GOLGB1: variants seen among roughly 807,000 people sequenced by gnomAD.
GOLGB1 encodes golgin B1.
GOLGB1 carries 174 observed loss-of-function variants against 336.9 expected under a neutral mutation model. The observed-to-expected ratio is 0.52, with a 90% CI of 0.46 to 0.59. GOLGB1 has a LOEUF of 0.59. GOLGB1 is among the 20% of genes least tolerant of loss of function. The pLI, the probability that GOLGB1 is intolerant of heterozygous loss-of-function variation, is 0.00. For synonymous variants in GOLGB1, 1,208 were observed against 1,289.2 expected (o/e 0.94, Z 1.35); for missense variants, 3,331 against 3,645.3 (o/e 0.91, Z 2.22).
Position 121,697,008 on chromosome 3 carries a change from A to G in GOLGB1, c.3515T>C (p.Leu1172Pro). 1 of 1,614,018 alleles carries G rather than the reference A, an allele frequency of 6.2e-7. No homozygotes were observed. The highest frequency in any genetic ancestry group is 8.5e-7 in the Non-Finnish European group (1 of 1,179,956). ...TTGCTCCTTTTCTTTTTCAAGGGCCAGTATCTTTTCTTCTAGTTCTGGTTT... is the reference window on the plus strand; with the variant it reads ...TTGCTCCTTTTCTTTTTCAAGGGCCGGTATCTTTTCTTCTAGTTCTGGTTT... ...HWKPELEEKI[L>P]ALEKEKEQLQ... The change falls in exon 13 of 22, where the codon CTG becomes CCG. Residue 1172 changes from leucine to proline, a missense_variant. Leu to Pro is a moderately conservative substitution (Grantham distance 98). Coordinates refer to ENST00000614479, the MANE Select transcript of GOLGB1 (RefSeq NM_001366282.2).
rs138361473 is a variant in GOLGB1, at chr3:121,677,324, GGAA to G, written c.8997_8999del (p.Ser3001del). 4,766 of 1,611,666 alleles carry G rather than the reference GGAA, an allele frequency of 3.0e-3. 110 individuals are homozygous for G. In the African/African-American group the frequency reaches 0.053, roughly 18 times the overall value. On this transcript the variant is annotated inframe_deletion, in exon 16 of 22. Transcript: ENST00000614479. ...GCACTTTGAGAGGCTGAGTCTGGGA[GGAA>G]GAAGACCTCAATTCCCTTATAAGAT...
intron 1 of GOLGB1, among the ~76,000 whole-genome samples, chr3:121,735,087 C>T (rs914529508): frequency 3.9e-5 from 6 of 152,092 alleles, no homozygotes; most frequent in African/African-American, 4.8e-5. Flanking sequence ...TTGAACAAGT[C>T]CAGAAATTAA....
At position 121,691,209 on chromosome 3, in the gene GOLGB1, C is replaced by T. The variant is rs1942386708; in HGVS notation, c.8155G>A (p.Glu2719Lys). 4 of 1,613,956 alleles carry T rather than the reference C, an allele frequency of 2.5e-6. No homozygotes were observed. In the South Asian group the frequency reaches 4.4e-5, roughly 18 times the overall value. Residue 2719 changes from glutamate to lysine, a missense_variant, in exon 14 of 22, where the codon GAG becomes AAG. Transcript: ENST00000614479. ...ACCATGAGTAATTTCTGTTCCATCT[C>T]CACCAAATCTCTTGCTAGCTCTGCC... ...RVAELARDLV[E>K]MEQKLLMVTK...
Position 121,695,290 on chromosome 3 carries a change from TAGAA to T in GOLGB1, c.5229_5232del (p.Ser1744ArgfsTer6). 1 of 1,614,052 alleles carries T rather than the reference TAGAA, an allele frequency of 6.2e-7. No individual in the cohort carries two copies. The highest frequency in any genetic ancestry group is 8.5e-7 in the Non-Finnish European group (1 of 1,179,984). ...TCAGACATTAAAGACTGAAACTTCT[TAGAA>T]AGGGTTTCATACTCCATTTTGACCC... On this transcript the variant is annotated frameshift_variant, in exon 13 of 22. Coordinates refer to ENST00000614479, the MANE Select transcript of GOLGB1 (RefSeq NM_001366282.2). LOFTEE classifies it high-confidence loss of function.
At chr3:121,667,700 G>C in intron 19 of GOLGB1, 90 bp from the exon 20 acceptor site, 1 of 1,174,388 alleles carries the variant, frequency 8.5e-7, no homozygotes, top group East Asian at 2.4e-5. Flanking sequence ...AGGTTGTAAA[G>C]CAAGAAAATC....
chr3:121,738,741 A>C (rs2108370162), intron 1 of GOLGB1, among the ~76,000 whole-genome samples: 1 of 152,308 alleles, frequency 6.6e-6, no homozygotes, highest in Non-Finnish European at 1.5e-5. Flanking sequence ...TCCCACACTG[A>C]GGAGAATCTG....
chr3:121,736,354 C>T (rs1486882813), intron 1 of GOLGB1, among the ~76,000 whole-genome samples: 1 of 152,150 alleles, frequency 6.6e-6, no homozygotes, highest in African/African-American at 2.4e-5. Flanking sequence ...TCAAGATTAA[C>T]ATCACCAGTG....
Position 121,694,981 on chromosome 3 carries a change from C to A in GOLGB1, c.5542G>T (p.Asp1848Tyr), listed in dbSNP as rs1942804764. Residue 1848 changes from aspartate (D) to tyrosine (Y), a missense_variant, in exon 13 of 22, where the codon GAT becomes TAT. By Grantham distance (160) the Asp-to-Tyr change is radical. Coordinates refer to ENST00000614479, the MANE Select transcript of GOLGB1 (RefSeq NM_001366282.2). The part of the protein sequence containing the change: ...DEINNYLQQI[D>Y]QLKERIAGLE... ...CCAGCAATTCTTTCTTTGAGCTGATCAATCTGCTGTAGGTAGTTATTAATT... is the reference window on the plus strand; with the variant it reads ...CCAGCAATTCTTTCTTTGAGCTGATAAATCTGCTGTAGGTAGTTATTAATT... 2 of 1,613,960 alleles carry A rather than the reference C, an allele frequency of 1.2e-6. No homozygotes were observed. The highest frequency in any genetic ancestry group is 1.1e-5 in the South Asian group (1 of 91,064).
At position 121,695,098 on chromosome 3, in the gene GOLGB1, T is replaced by C. The variant is rs563389819; in HGVS notation, c.5425A>G (p.Ser1809Gly). ...PGETEEQDSL[S>G]MSTRPTCSES... ...GAACATGTAGGTCTTGTGCTCATAC[T>C]CAGAGAGTCTTGCTCTTCAGTCTCA... Residue 1809 changes from serine (S) to glycine (G), a missense_variant, in exon 13 of 22, where the codon AGT becomes GGT. Coordinates refer to ENST00000614479, the MANE Select transcript of GOLGB1 (RefSeq NM_001366282.2). 1 of 1,614,128 alleles carries C rather than the reference T, an allele frequency of 6.2e-7. No individual in the cohort carries two copies. Among genetic ancestry groups the C allele is most frequent in the East Asian group, 2.2e-5 (1 of 44,876 alleles).
chr3:121,685,994 G>A (rs183538617), intron 14 of GOLGB1, among the ~76,000 whole-genome samples: 1 of 152,270 alleles, frequency 6.6e-6, no homozygotes, highest in African/African-American at 2.4e-5. Flanking sequence ...CTGTGTGCCT[G>A]GGACTGCATT....
chr3:121,722,977 A>G (rs1218419756), intron 5 of GOLGB1, among the ~76,000 whole-genome samples: 3 of 152,166 alleles, frequency 2.0e-5, no homozygotes, highest in African/African-American at 2.4e-5. Flanking sequence ...CTCACAACTG[A>G]CTCATCATGG....
At position 121,719,764 on chromosome 3, in the gene GOLGB1, C is replaced by T; in HGVS notation, c.653G>A (p.Ser218Asn). The change falls in exon 7 of 22, where the codon AGT (serine) becomes AAT (asparagine). Residue 218 changes from serine (S) to asparagine (N), a missense_variant. Physicochemically the swap from Ser to Asn is conservative, Grantham distance 46. Transcript: ENST00000614479. Reference protein sequence around the residue: ...QTQAEQAAQLSSMQQVVREKD... With the variant: ...QTQAEQAAQLNSMQQVVREKD... ...CTCTCGGACCACCTGCTGCATGGAACTCAACTGAAGACACATACCAGAGAA... is the reference window on the plus strand; with the variant it reads ...CTCTCGGACCACCTGCTGCATGGAATTCAACTGAAGACACATACCAGAGAA... 6.2e-7 allele frequency: 1 copy of T among 1,603,026 alleles called. No individual in the cohort carries two copies. Among genetic ancestry groups the T allele is most frequent in the Non-Finnish European group, 8.5e-7 (1 of 1,174,868 alleles).
In GOLGB1 at chr3:121,691,593, G is replaced by A. The variant is rs758424325; in HGVS notation, c.7771C>T (p.Leu2591=). The A allele has an allele frequency of 4.3e-6, 7 of 1,613,574 alleles. No individual in the cohort carries two copies. The highest frequency in any genetic ancestry group is 5.9e-6 in the Non-Finnish European group (7 of 1,179,828). The change falls in exon 14 of 22, where the codon CTG becomes TTG. Residue 2591 remains leucine (L), a synonymous_variant. Coordinates refer to ENST00000614479, the MANE Select transcript of GOLGB1 (RefSeq NM_001366282.2). ...LKESEEANED[L]RRSFNALQEE... ...TGTAGGGCATTAAAGGACCTCCGCA[G>A]ATCCTCATTTGCTTCCTCAGATTCC...
intron 6 of GOLGB1, among the ~76,000 whole-genome samples, chr3:121,721,528 C>T (rs1945198184): frequency 6.6e-6 from 1 of 152,106 alleles, no homozygotes; most frequent in African/African-American, 2.4e-5. Context: ...ACTTGGGAAG[C>T]TGAGGTGAGT....
In GOLGB1 at chr3:121,695,073, GA is replaced by G. The variant is rs1195325462; in HGVS notation, c.5449del (p.Ser1817GlnfsTer14). The stretch of plus-strand genomic sequence containing the variant: ...ACTCTTCGCTGATGGAACCGATTCT[GA>G]ACATGTAGGTCTTGTGCTCATACTC... The part of the protein sequence containing the change: ...SLSMSTRPTC[S>X]ESVPSAKSAN... On this transcript the variant is annotated frameshift_variant, in exon 13 of 22. Coordinates refer to ENST00000614479, the MANE Select transcript of GOLGB1 (RefSeq NM_001366282.2). LOFTEE classifies it high-confidence loss of function. The G allele has an allele frequency of 6.2e-7, 1 of 1,613,836 alleles. No homozygotes were observed. The highest frequency in any genetic ancestry group is 1.3e-5 in the African/African-American group (1 of 74,858).
rs138011865 is a variant in GOLGB1, at chr3:121,719,656, T to G, written c.761A>C (p.Glu254Ala). Residue 254 changes from glutamate (E) to alanine (A), a missense_variant, in exon 7 of 22, where the codon GAG becomes GCG. Coordinates refer to ENST00000614479, the MANE Select transcript of GOLGB1 (RefSeq NM_001366282.2). The stretch of plus-strand genomic sequence containing the variant: ...GTTTTAGCAACACACCTGTTGCATC[T>G]CTGTTTCCACATCTGCCTGGGTTAC... ...QLVTQADVET[E>A]MQQKLRVLQR... 1.1e-4 allele frequency: 173 copies of G among 1,607,298 alleles called. No individual in the cohort carries two copies. The Middle Eastern group carries it at 3.0e-3, about 28-fold the overall frequency.
At position 121,729,926 on chromosome 3, in the gene GOLGB1, TCCA is replaced by T. The variant is rs1223011903; in HGVS notation, c.185_187del (p.Val62del). 1 of 1,610,698 alleles carries T rather than the reference TCCA, an allele frequency of 6.2e-7. No homozygotes were observed. Among genetic ancestry groups the T allele is most frequent in the Non-Finnish European group, 8.5e-7 (1 of 1,176,912 alleles). On this transcript the variant is annotated inframe_deletion, in exon 3 of 22. Coordinates refer to ENST00000614479, the MANE Select transcript of GOLGB1 (RefSeq NM_001366282.2). ...CTTCTGTCTAATAATATCTTTTAGC[TCCA>T]CCACCAATTGCTCTGCATAAGCCAG...
Position 121,669,207 on chromosome 3 carries a change from C to T in GOLGB1, c.9321+5G>A, listed in dbSNP as rs1437566269. The T allele has an allele frequency of 2.5e-6, 4 of 1,613,178 alleles. No homozygotes were observed. The highest frequency in any genetic ancestry group is 1.3e-5 in the African/African-American group (1 of 74,896). The stretch of plus-strand genomic sequence containing the variant: ...CTCCCAGTCTCTCACCTTCTCTTTA[C>T]TCACCGCCTGCAGCTCTTGAACCTG... On this transcript the variant is annotated splice_donor_5th_base_variant and intron_variant, in intron 18 of 21. Coordinates refer to ENST00000614479, the MANE Select transcript of GOLGB1 (RefSeq NM_001366282.2).
Position 121,694,733 on chromosome 3 carries a change from C to A in GOLGB1, c.5790G>T (p.Arg1930Ser). 6.2e-7 allele frequency: 1 copy of A among 1,612,446 alleles called. No individual in the cohort carries two copies. The highest frequency in any genetic ancestry group is 8.5e-7 in the Non-Finnish European group (1 of 1,179,938). ...AEEEKDDLEE[R>S]LMNQLAELNG... ...TAAGTTCTGCTAATTGATTCATAAG[C>A]CTCTCTTCCAAATCATCTTTCTCTT... The change falls in exon 13 of 22, where the codon AGG (arginine) becomes AGT (serine). Residue 1930 changes from arginine to serine, a missense_variant. By Grantham distance (110) the Arg-to-Ser change is moderately radical (BLOSUM62 -1). Coordinates refer to ENST00000614479, the MANE Select transcript of GOLGB1 (RefSeq NM_001366282.2).
Sources: gnomAD v4.1 joint callset for allele counts (sites outside exome capture counted in the v4.1 genomes callset) on GRCh38, gnomAD v4.1.1 for gene constraint, MANE v1.5 for transcripts, NCBI Gene and HGNC (gene_info 2026-07-23, HGNC 2026-07-21) for gene names.